The following FHIT variants were observed in gnomAD, a reference collection of about 807,000 sequenced individuals.
FHIT encodes the protein fragile histidine triad diadenosine triphosphatase.
A neutral mutation model predicts 17.9 loss-of-function variants in FHIT; 19 were observed. The ratio of observed to expected loss-of-function variants is 1.06; its 90% CI spans 0.74 to 1.56. The LOEUF (loss-of-function observed/expected upper bound fraction) is 1.56, where lower values mean the gene tolerates loss of function less well. Among genes scored for constraint, FHIT ranks in the 40% most tolerant of loss-of-function variants. FHIT has a pLI of 0.00. For synonymous variants in FHIT, 81 were observed against 69.7 expected, an observed-to-expected ratio of 1.16 and a Z score of -0.81; for missense variants, 248 against 189.2, an observed-to-expected ratio of 1.31 and a Z score of -1.82.
chr3:60,772,059 T>G (rs1700061097), intron 4 of FHIT, among the ~76,000 whole-genome samples: 1 of 152,240 alleles, frequency 6.6e-6, no homozygotes, highest in East Asian at 1.9e-4. Flanking sequence ...GTACAATGAT[T>G]GACAAAGATT....
chr3:60,930,742 T>C (rs1170492713), intron 3 of FHIT, among the ~76,000 whole-genome samples: 1 of 151,988 alleles, frequency 6.6e-6, no homozygotes, highest in East Asian at 1.9e-4. Flanking sequence ...TGTGGAGAAA[T>C]AGGAACACTT....
At position 60,589,597 on chromosome 3, in the gene FHIT, C is replaced by T. The variant is rs539667593; in HGVS notation, c.-17-52618G>A. Among the ~76,000 whole-genome samples, 20 of 152,122 alleles carry T rather than the reference C, an allele frequency of 1.3e-4. No homozygotes were observed. In the East Asian group the frequency reaches 2.7e-3, roughly 21 times the overall value. On this transcript the variant is annotated intron_variant, in intron 4 of 9. Transcript: ENST00000492590. The stretch of plus-strand genomic sequence containing the variant: ...ACTCTTCTTCATATGGCTTTGTCCA[C>T]GTCGGGGGATATATTTTTAAGATAA...
intron 7 of FHIT, among the ~76,000 whole-genome samples, chr3:59,976,881 C>A (rs573322421): frequency 5.9e-5 from 9 of 152,000 alleles, no homozygotes; most frequent in Non-Finnish European, 1.2e-4. Flanking sequence ...AGCAAGAGAA[C>A]GAGAATGCAA....
intron 4 of FHIT, among the ~76,000 whole-genome samples, chr3:60,565,382 G>A (rs973648594): frequency 6.6e-6 from 1 of 152,128 alleles, no homozygotes; most frequent in Non-Finnish European, 1.5e-5. Context: ...TTGCTGGGCT[G>A]ATCCCAAATA....
At chr3:61,240,933 C>A (rs1406413661) in intron 1 of FHIT, among the ~76,000 whole-genome samples, 3 of 152,124 alleles carry the variant, frequency 2.0e-5, no homozygotes, top group African/African-American at 7.2e-5. Context: ...TAAGGCGTCC[C>A]AAAGTGGCAT....
At chr3:60,481,190 TAC>T (rs2033592635) in intron 5 of FHIT, among the ~76,000 whole-genome samples, 1 of 152,090 alleles carries the variant, frequency 6.6e-6, no homozygotes, top group Non-Finnish European at 1.5e-5. Context: ...AGACTGAATC[TAC>T]AACTGATTGG....
intron 8 of FHIT, among the ~76,000 whole-genome samples, chr3:59,797,067 A>G (rs1016769796): frequency 6.6e-6 from 1 of 152,344 alleles, no homozygotes; most frequent in East Asian, 1.9e-4. Context: ...CATCATTGCT[A>G]AAGTTCTAAC....
intron 8 of FHIT, among the ~76,000 whole-genome samples, chr3:59,814,521 T>C (rs1312745765): frequency 6.6e-6 from 1 of 152,228 alleles, no homozygotes; most frequent in Non-Finnish European, 1.5e-5. Flanking sequence ...TTAGCACACA[T>C]AAGACATTCA....
chr3:60,342,240 T>C (rs887803405), intron 5 of FHIT, among the ~76,000 whole-genome samples: 6 of 152,204 alleles, frequency 3.9e-5, no homozygotes, highest in African/African-American at 1.4e-4. Flanking sequence ...GAATACACAA[T>C]TGCATGAGCA....
At chr3:60,416,863 G>A (rs1702265607) in intron 5 of FHIT, among the ~76,000 whole-genome samples, 1 of 152,074 alleles carries the variant, frequency 6.6e-6, no homozygotes, top group African/African-American at 2.4e-5. Context: ...GAGGCGGGAG[G>A]ATCACGAGGT....
At chr3:60,053,728 A>C (rs1205192143) in intron 5 of FHIT, among the ~76,000 whole-genome samples, 10 of 152,072 alleles carry the variant, frequency 6.6e-5, no homozygotes, top group Admixed American at 6.6e-4. Context: ...TACCTAAGGC[A>C]CTTTGGCTGT....
intron 4 of FHIT, among the ~76,000 whole-genome samples, chr3:60,651,536 C>T (rs2039990117): frequency 7.3e-6 from 1 of 137,140 alleles, no homozygotes; most frequent in Non-Finnish European, 1.5e-5. Flanking sequence ...TTTGATAGAT[C>T]CAATCTTTTT....
intron 3 of FHIT, among the ~76,000 whole-genome samples, chr3:60,823,766 G>A (rs1185686704): frequency 1.3e-5 from 2 of 152,136 alleles, no homozygotes; most frequent in Admixed American, 1.3e-4. Flanking sequence ...TGTGTTTGGG[G>A]AGATTGTTGC....
intron 8 of FHIT, among the ~76,000 whole-genome samples, chr3:59,921,174 G>A (rs544775459): frequency 2.6e-5 from 4 of 152,168 alleles, no homozygotes; most frequent in Non-Finnish European, 4.4e-5. Flanking sequence ...GCCACCTCAC[G>A]GAATCCAATG....
chr3:59,943,206 G>T (rs533001095), intron 7 of FHIT, among the ~76,000 whole-genome samples: 1 of 152,172 alleles, frequency 6.6e-6, no homozygotes, highest in South Asian at 2.1e-4. Context: ...GAATCAGGAA[G>T]CTGATCAGGA....
At chr3:60,073,774 T>C (rs1334466544) in intron 5 of FHIT, among the ~76,000 whole-genome samples, 1 of 152,136 alleles carries the variant, frequency 6.6e-6, no homozygotes, top group Non-Finnish European at 1.5e-5. Context: ...ACTCCACTCC[T>C]GCCCTTTGTA....
At chr3:60,996,900 T>C (rs1172670014) in intron 3 of FHIT, among the ~76,000 whole-genome samples, 1 of 152,250 alleles carries the variant, frequency 6.6e-6, no homozygotes, top group Non-Finnish European at 1.5e-5. Context: ...GTGTGATCAA[T>C]AGTGTTTAGT....
At chr3:60,389,035 T>C (rs1701122525) in intron 5 of FHIT, among the ~76,000 whole-genome samples, 1 of 152,188 alleles carries the variant, frequency 6.6e-6, no homozygotes, top group African/African-American at 2.4e-5. Context: ...TCCTGAGAAT[T>C]ACCCTAGTTG....
chr3:61,189,017 T>G (rs1450846750), intron 2 of FHIT, among the ~76,000 whole-genome samples: 1 of 152,054 alleles, frequency 6.6e-6, no homozygotes, highest in East Asian at 1.9e-4. Context: ...CTTTGAAAAC[T>G]GGCACAAGAC....
Sources: allele counts gnomAD v4.1 joint callset (sites outside exome capture counted in the v4.1 genomes callset), GRCh38; gene constraint gnomAD v4.1.1; transcripts MANE v1.5; gene names NCBI Gene and HGNC (gene_info 2026-07-23, HGNC 2026-07-21).